Variants in GGA1 observed in about 807,000 individuals in gnomAD.
The protein encoded by GGA1 is golgi associated, gamma adaptin ear containing, ARF binding protein 1.
GGA1 carries 18 observed loss-of-function variants against 76.9 expected under a neutral mutation model. That is an observed-to-expected ratio of 0.23 (90% CI 0.16 to 0.35). The LOEUF is 0.35. Among genes scored for constraint, GGA1 ranks in the 10% least tolerant of loss-of-function variants. The probability of loss-of-function intolerance (pLI) is 1.00; values close to 1 mark genes in which losing one functional copy is unlikely to be tolerated. For synonymous variants in GGA1, 342 were observed against 354.7 expected, an observed-to-expected ratio of 0.96 and a Z score of 0.40; for missense variants, 755 against 859.0, an observed-to-expected ratio of 0.88 and a Z score of 1.51.
chr22:37,632,685 C>G lies in GGA1; in HGVS notation c.1894C>G (p.Pro632Ala). Residue 632 changes from proline to alanine, a missense_variant, in exon 17 of 17, where the codon CCA becomes GCA. Coordinates refer to ENST00000343632, the MANE Select transcript of GGA1 (RefSeq NM_013365.5). The surrounding 1 kb of genome is among the most constrained non-coding windows in gnomAD (Gnocchi z 5.1). ...NEMGDVDQFP[P>A]PETWGSL The stretch of plus-strand genomic sequence containing the variant: ...GATGGGGGATGTGGACCAGTTCCCC[C>G]CACCTGAAACCTGGGGTAGCCTCTA... 1 of 1,606,730 alleles carries G rather than the reference C, an allele frequency of 6.2e-7. No individual in the cohort carries two copies. The highest frequency in any genetic ancestry group is 8.5e-7 in the Non-Finnish European group (1 of 1,174,436).
chr22:37,609,083 G>T (rs989225678), intron 1 of GGA1, 180 bp downstream of exon 1: 1 of 1,489,610 alleles, frequency 6.7e-7, no homozygotes, highest in Non-Finnish European at 8.9e-7. Context: ...CCCCGGCCCC[G>T]GCGCGGTCCA....
At chr22:37,611,456 G>C (rs753881403) in intron 1 of GGA1, among the ~76,000 whole-genome samples, 2 of 152,158 alleles carry the variant, frequency 1.3e-5, no homozygotes, top group African/African-American at 2.4e-5. Flanking sequence ...CAGTACACGG[G>C]GTTTGTTAAT....
chr22:37,609,697 C>T (rs1190627512), intron 1 of GGA1, among the ~76,000 whole-genome samples: 1 of 152,198 alleles, frequency 6.6e-6, no homozygotes, highest in Non-Finnish European at 1.5e-5. Flanking sequence ...AACCCACAGC[C>T]CTGATGATCC....
chr22:37,619,906 G>T, intron 4 of GGA1: 1 of 715,344 alleles, frequency 1.4e-6, no homozygotes, highest in East Asian at 2.6e-5. Flanking sequence ...TGGGCAGCCT[G>T]GAGACCTCTG....
chr22:37,627,785 C>T (rs1006933128), intron 11 of GGA1, among the ~76,000 whole-genome samples: 1 of 152,220 alleles, frequency 6.6e-6, no homozygotes. Context: ...AGTGCCAGGG[C>T]AGCCTGCAGC....
At position 37,624,995 on chromosome 22, in the gene GGA1, C is replaced by A; in HGVS notation, c.859C>A (p.Leu287Ile). The change falls in exon 10 of 17, where the codon CTC becomes ATC. Residue 287 changes from leucine (L) to isoleucine (I), a missense_variant. Leu to Ile is a conservative substitution (Grantham distance 5). Coordinates refer to ENST00000343632, the MANE Select transcript of GGA1 (RefSeq NM_013365.5). The surrounding 1 kb of genome is among the most constrained non-coding windows in gnomAD (Gnocchi z 4.3). ...LAEILQANDN[L>I]TQVINLYKQL... ...GGAGATCCTGCAGGCCAATGACAACCTCACCCAGGTGATCAACCTGTATAA... is the reference window on the plus strand; with the variant it reads ...GGAGATCCTGCAGGCCAATGACAACATCACCCAGGTGATCAACCTGTATAA... The A allele has an allele frequency of 6.3e-7, 1 of 1,596,384 alleles. No individual in the cohort carries two copies. Among genetic ancestry groups the A allele is most frequent in the East Asian group, 2.3e-5 (1 of 44,318 alleles).
rs1930552765 is a variant in GGA1, at chr22:37,625,004, G to A, written c.868G>A (p.Val290Met). Residue 290 changes from valine to methionine, a missense_variant, in exon 10 of 17, where the codon GTG becomes ATG. Transcript: ENST00000343632. This position sits in a 1 kb window ranked among gnomAD's most constrained non-coding sequence, Gnocchi z 4.1. The part of the protein sequence containing the change: ...ILQANDNLTQ[V>M]INLYKQLVRG... ...GCAGGCCAATGACAACCTCACCCAG[G>A]TGATCAACCTGTATAAGCAGCTGGT... is the stretch of plus-strand genomic sequence containing the variant. 1 of 1,599,754 alleles carries A rather than the reference G, an allele frequency of 6.3e-7. No individual in the cohort carries two copies. Among genetic ancestry groups the A allele is most frequent in the Non-Finnish European group, 8.5e-7 (1 of 1,173,794 alleles).
chr22:37,619,141 C>A (rs896162412), intron 4 of GGA1, among the ~76,000 whole-genome samples: 3 of 152,200 alleles, frequency 2.0e-5, no homozygotes, highest in Admixed American at 1.3e-4. Flanking sequence ...TCTCTACGCT[C>A]CACAACCTCC....
Position 37,623,342 on chromosome 22 carries a change from GAGA to G in GGA1, c.629_631del (p.Lys210del), listed in dbSNP as rs1930223565. 1 of 1,614,008 alleles carries G rather than the reference GAGA, an allele frequency of 6.2e-7. No homozygotes were observed. The highest frequency in any genetic ancestry group is 8.5e-7 in the Non-Finnish European group (1 of 1,180,014). ...GTGTCCCCAGGACCAGAAGCGGATG[GAGA>G]AGATCTCGAAGAGGGTGAATGCCAT... On this transcript the variant is annotated inframe_deletion, in exon 8 of 17. Transcript: ENST00000343632. This position sits in a 1 kb window ranked among gnomAD's most constrained non-coding sequence, Gnocchi z 4.6.
rs532984852 is a variant in GGA1 at position 37,632,719 on chromosome 22, G to T, written c.*8G>T. 6.6e-7 allele frequency: 1 copy of T among 1,504,578 alleles called. No individual in the cohort carries two copies. The highest frequency in any genetic ancestry group is 9.2e-7 in the Non-Finnish European group (1 of 1,090,208). 93.2% of individuals were successfully genotyped at this position (1,504,578 alleles called of 1,614,324 possible). On this transcript the variant is annotated 3_prime_UTR_variant, in exon 17 of 17. Transcript: ENST00000343632. This position sits in a 1 kb window ranked among gnomAD's most constrained non-coding sequence, Gnocchi z 5.1. ...ACCTGGGGTAGCCTCTAGAACAGAGGGGCTGGGGAGAGGAAGGGGCAGAGG... is the reference window on the plus strand; with the variant it reads ...ACCTGGGGTAGCCTCTAGAACAGAGTGGCTGGGGAGAGGAAGGGGCAGAGG...
intron 1 of GGA1, chr22:37,613,301 C>A: frequency 6.4e-6 from 2 of 312,076 alleles, no homozygotes; most frequent in Non-Finnish European, 9.3e-6. Context: ...CAGCTCCAGC[C>A]TGGGTGACTC....
At chr22:37,630,838 A>C (rs1180889701) in intron 13 of GGA1, 65 bp from the exon 14 acceptor site, 2 of 1,172,606 alleles carry the variant, frequency 1.7e-6, no homozygotes, top group Non-Finnish European at 2.5e-6. Flanking sequence ...AAAGTGTTGG[A>C]ATTACAGGGG....
Position 37,623,806 on chromosome 22 carries a change from G to A in GGA1, c.832+173G>A, listed in dbSNP as rs572182386. 9.1e-4 allele frequency: 536 copies of A among 591,670 alleles called. 12 individuals are homozygous for A. In the South Asian group the frequency reaches 0.01, roughly 11 times the overall value. 36.7% of individuals were successfully genotyped at this position (591,670 alleles called of 1,614,324 possible). ...TCTCTGAGGACACAGAGCAGGGGCC[G>A]CCCCCCTGTTGAGAGGCCCTGTGGG... On this transcript the variant is annotated intron_variant, in intron 9 of 16. Transcript: ENST00000343632. The surrounding 1 kb of genome is among the most constrained non-coding windows in gnomAD (Gnocchi z 4.6).
intron 2 of GGA1, 133 bp from the exon 3 acceptor site, chr22:37,616,788 TG>T: frequency 9.2e-7 from 1 of 1,084,180 alleles, no homozygotes; most frequent in Non-Finnish European, 1.3e-6. Context: ...GGCGGCGGGC[TG>T]GGGTGGTGAC....
chr22:37,632,865 CT>C lies in GGA1; in HGVS notation c.*156del, dbSNP rs1475886652. 2 of 608,774 alleles carry C rather than the reference CT, an allele frequency of 3.3e-6. No individual in the cohort carries two copies. Among genetic ancestry groups the C allele is most frequent in the African/African-American group, 1.8e-5 (1 of 54,240 alleles). 37.7% of individuals were successfully genotyped at this position (608,774 alleles called of 1,614,324 possible). ...ACACCCCTGTAGGCCTCAAGTGACT[CT>C]TCCCCCTCCTGCTCCGGCCCCGCCC... On this transcript the variant is annotated 3_prime_UTR_variant, in exon 17 of 17. Transcript: ENST00000343632. The surrounding 1 kb of genome is among the most constrained non-coding windows in gnomAD (Gnocchi z 5.1).
chr22:37,619,682 G>T (rs185305790), intron 4 of GGA1: 2 of 653,686 alleles, frequency 3.1e-6, no homozygotes, highest in South Asian at 3.5e-5. Flanking sequence ...GGCCTACTGT[G>T]AACATTTCTT....
intron 13 of GGA1, among the ~76,000 whole-genome samples, chr22:37,630,474 C>T (rs942889033): frequency 1.3e-5 from 2 of 151,894 alleles, no homozygotes; most frequent in African/African-American, 2.4e-5. Flanking sequence ...AGGGAGAACA[C>T]GAGCTGCTCC....
rs888270241 is a variant in GGA1 at position 37,623,697 on chromosome 22, C to T, written c.832+64C>T. ...CTCCCTCCACCTCCTGCCCCCACCT[C>T]CCCCAGGCCCTGCTAAGTATCTGCA... On this transcript the variant is annotated intron_variant, in intron 9 of 16. Transcript: ENST00000343632. The surrounding 1 kb of genome is among the most constrained non-coding windows in gnomAD (Gnocchi z 4.6). 4.4e-6 allele frequency: 5 copies of T among 1,128,796 alleles called. No homozygotes were observed. Among genetic ancestry groups the T allele is most frequent in the East Asian group, 5.1e-5 (2 of 38,870 alleles). The allele number at this position is 1,128,796 out of a possible 1,614,324, so 69.9% of individuals were successfully genotyped here.
chr22:37,620,122 G>C, intron 4 of GGA1, 116 bp from the exon 5 acceptor site: 1 of 1,174,660 alleles, frequency 8.5e-7, no homozygotes, highest in South Asian at 1.3e-5. Flanking sequence ...TGAGGACCCT[G>C]TAGGCTAGAG....
Sources: gnomAD v4.1 joint callset for allele counts (sites outside exome capture counted in the v4.1 genomes callset) on GRCh38, gnomAD v4.1.1 for gene constraint, Gnocchi (gnomAD v3.1) non-coding constraint, MANE v1.5 for transcripts, NCBI Gene and HGNC (gene_info 2026-07-23, HGNC 2026-07-21) for gene names.